Variants in RASL12 observed in about 807,000 individuals in gnomAD.
RASL12 encodes the protein RAS like family 12.
In RASL12, 16 loss-of-function variants were observed where a neutral mutation model predicts 22.9. That is an observed-to-expected ratio of 0.70 (90% CI 0.47 to 1.06). The LOEUF is 1.06. RASL12 is among the 50% of genes least tolerant of loss of function. The probability of loss-of-function intolerance (pLI) is 0.00; values close to 1 mark genes in which losing one functional copy is unlikely to be tolerated. For synonymous variants in RASL12, 159 were observed against 152.2 expected (o/e 1.04, Z -0.33); for missense variants, 306 against 353.1 (o/e 0.87, Z 1.07).
Position 65,074,711 on chromosome 15 carries a change from G to A in RASL12, c.70+1818C>T, listed in dbSNP as rs527777184. 3.1e-3 allele frequency among the ~76,000 whole-genome samples: 470 copies of A among 152,332 alleles called. 23 individuals carry two copies. In the South Asian group the frequency reaches 0.093, roughly 30 times the overall value. The stretch of plus-strand genomic sequence containing the variant: ...CGTTCCTGGCCTACTGGTCCCATTT[G>A]GAACATGAGGAACGGTTAGGACATT... On this transcript the variant is annotated intron_variant, in intron 1 of 4. Coordinates refer to the RASL12 transcript ENST00000434605.
intron 3 of RASL12, 93 bp from the exon 4 acceptor site, chr15:65,058,710 G>A (rs929052770): frequency 9.7e-6 from 9 of 930,346 alleles, no homozygotes; most frequent in South Asian, 7.5e-5. Flanking sequence ...CCCACTCCCC[G>A]GTCTTTGTAT....
At chr15:65,074,033 T>C (rs1391337517) in intron 1 of RASL12, among the ~76,000 whole-genome samples, 1 of 152,236 alleles carries the variant, frequency 6.6e-6, no homozygotes, top group Non-Finnish European at 1.5e-5. Flanking sequence ...AGGGGCTTTA[T>C]GGGATGCTCA....
intron 2 of RASL12, among the ~76,000 whole-genome samples, chr15:65,063,938 G>A (rs1409624153): frequency 6.6e-6 from 1 of 152,164 alleles, no homozygotes. Flanking sequence ...ACAAAGCCTT[G>A]GGCTTCTTTG....
Position 65,054,228 on chromosome 15 carries a change from T to C in RASL12, c.*671A>G. ...AATCTGTCTGCTGGTGAAAGAACTC[T>C]GGGGCTCCTTATGCTGGACAACCTA... is the stretch of plus-strand genomic sequence containing the variant. On this transcript the variant is annotated 3_prime_UTR_variant, in exon 5 of 5. Coordinates refer to ENST00000220062, the MANE Select transcript of RASL12 (RefSeq NM_016563.4). The C allele has an allele frequency of 2.0e-6, 2 of 985,990 alleles. No individual in the cohort carries two copies. The highest frequency in any genetic ancestry group is 5.2e-4 in the Middle Eastern group (1 of 1,914). The allele number at this position is 985,990 out of a possible 1,614,324, so 61.1% of individuals were successfully genotyped here.
upstream of RASL12, among the ~76,000 whole-genome samples, chr15:65,069,334 A>G (rs780683819): frequency 9.2e-5 from 14 of 152,242 alleles, no homozygotes; most frequent in Admixed American, 2.6e-4. Flanking sequence ...GCTAATGGCC[A>G]AGGGTTTTCC....
the RASL12 span, among the ~76,000 whole-genome samples, chr15:65,046,427 G>A: frequency 6.6e-6 from 1 of 152,124 alleles, no homozygotes; most frequent in Non-Finnish European, 1.5e-5. Flanking sequence ...CTGAGATCAT[G>A]CCATTGCACT....
downstream of RASL12, among the ~76,000 whole-genome samples, chr15:65,051,166 G>A (rs1186658950): frequency 2.6e-5 from 4 of 151,744 alleles, no homozygotes; most frequent in Non-Finnish European, 2.9e-5. Flanking sequence ...CTTGTGCTCC[G>A]CAGGTCCAGC....
At chr15:65,055,338 C>G (rs1043173936) in intron 4 of RASL12, 64 bp from the exon 5 acceptor site, 2 of 1,411,082 alleles carry the variant, frequency 1.4e-6, no homozygotes, top group Non-Finnish European at 1.9e-6. Flanking sequence ...GGCAGACCAG[C>G]TCCTACACCC....
At chr15:65,050,835 TC>T (rs768796117), downstream of RASL12, among the ~76,000 whole-genome samples, 1,769 of 138,328 alleles carry the variant, frequency 0.013, 94 homozygotes, top group African/African-American at 0.043. Context: ...TTCTTCTTCT[TC>T]TTTTTTTTTT....
At chr15:65,057,491 G>A (rs748270689) in intron 4 of RASL12, among the ~76,000 whole-genome samples, 7 of 152,330 alleles carry the variant, frequency 4.6e-5, no homozygotes, top group East Asian at 1.9e-4. Context: ...TGGAGAGAGC[G>A]TGCCCCACCT....
At chr15:65,046,718 G>A in the RASL12 span, among the ~76,000 whole-genome samples, 2 of 152,056 alleles carry the variant, frequency 1.3e-5, no homozygotes, top group Non-Finnish European at 2.9e-5. Flanking sequence ...TTCAAGGCTG[G>A]CCTGGGCAAG....
chr15:65,057,921 C>T (rs933007667), intron 4 of RASL12, among the ~76,000 whole-genome samples: 1 of 152,170 alleles, frequency 6.6e-6, no homozygotes, highest in Non-Finnish European at 1.5e-5. Flanking sequence ...GACCCAGAAG[C>T]GTTTCCCTTC....
chr15:65,076,569 A>G (rs1220047669), exon 1 of RASL12: 1 of 702,414 alleles, frequency 1.4e-6, no homozygotes. Flanking sequence ...CAGACCAAGA[A>G]CCCACCAATT....
At chr15:65,053,116 A>G (rs1333693286), downstream of RASL12, 1 of 1,614,140 alleles carries the variant, frequency 6.2e-7, no homozygotes, top group Admixed American at 1.7e-5. Flanking sequence ...TAAAAGAGAG[A>G]GATGTGCTGT....
In RASL12 at chr15:65,065,293, G is replaced by C; in HGVS notation, c.104-20C>G. 6.2e-7 allele frequency: 1 copy of C among 1,608,452 alleles called. No homozygotes were observed. Among genetic ancestry groups the C allele is most frequent in the African/African-American group, 1.3e-5 (1 of 74,982 alleles). Reference sequence around the variant, plus strand: ...TCAGGGCTGCAAGAAGCAGAAAGAGGTTGGCTCCATCTCCGCGGCCATGTC... The same window carrying C: ...TCAGGGCTGCAAGAAGCAGAAAGAGCTTGGCTCCATCTCCGCGGCCATGTC... On this transcript the variant is annotated intron_variant, in intron 1 of 4. Coordinates refer to ENST00000220062, the MANE Select transcript of RASL12 (RefSeq NM_016563.4).
At chr15:65,053,139 C>T (rs75962063), downstream of RASL12, 16 of 1,614,042 alleles carry the variant, frequency 9.9e-6, no homozygotes, top group East Asian at 8.9e-5. Flanking sequence ...GTTTTCCTTC[C>T]GGATGTACCA....
At chr15:65,064,518 G>C (rs760955910) in intron 2 of RASL12, among the ~76,000 whole-genome samples, 2 of 152,054 alleles carry the variant, frequency 1.3e-5, no homozygotes, top group African/African-American at 2.4e-5. Flanking sequence ...CACCACTAGA[G>C]AATTTCTCGA....
chr15:65,069,472 T>C (rs2086915981), upstream of RASL12, among the ~76,000 whole-genome samples: 1 of 152,244 alleles, frequency 6.6e-6, no homozygotes. Context: ...AATGGACAAC[T>C]GCTGGAGGCA....
rs979048825 is a variant in RASL12 at position 65,067,916 on chromosome 15, G to A, written c.-81C>T. On this transcript the variant is annotated 5_prime_UTR_variant, in exon 1 of 5. Transcript: ENST00000220062. ...CCCGCCCGTCGGGGCCCAGGGGAGCGGGATGCAGGCTTCCCTGGAGCGCGC... is the reference window on the plus strand; with the variant it reads ...CCCGCCCGTCGGGGCCCAGGGGAGCAGGATGCAGGCTTCCCTGGAGCGCGC... 7 of 1,342,642 alleles carry A rather than the reference G, an allele frequency of 5.2e-6. No homozygotes were observed. The highest frequency in any genetic ancestry group is 3.1e-5 in the African/African-American group (2 of 64,360). The allele number at this position is 1,342,642 out of a possible 1,614,324, so 83.2% of individuals were successfully genotyped here.
Sources: allele counts gnomAD v4.1 joint callset (sites outside exome capture counted in the v4.1 genomes callset), GRCh38; gene constraint gnomAD v4.1.1; transcripts MANE v1.5; gene names NCBI Gene and HGNC (gene_info 2026-07-23, HGNC 2026-07-21).